Variants in ZC3H12B observed in about 807,000 individuals in gnomAD.
The protein encoded by ZC3H12B is zinc finger CCCH-type containing 12B.
In ZC3H12B, 7 loss-of-function variants were observed where a neutral mutation model predicts 43.9. The ratio of observed to expected loss-of-function variants is 0.16; its 90% CI spans 0.09 to 0.30. The LOEUF is 0.30. ZC3H12B is among the 10% of genes least tolerant of loss of function. ZC3H12B has a pLI of 1.00. For synonymous variants in ZC3H12B, 222 were observed against 241.7 expected, an observed-to-expected ratio of 0.92 and a Z score of 0.76; for missense variants, 475 against 670.2, an observed-to-expected ratio of 0.71 and a Z score of 3.22.
At chrX:65,222,634 AT>A in the ZC3H12B span, among the ~76,000 whole-genome samples, 28 of 103,404 alleles carry the variant, frequency 2.7e-4, 1 homozygote, top group South Asian at 0.011. Flanking sequence ...AATAATAATA[AT>A]AATAATAATA....
At chrX:65,060,432 G>A in the ZC3H12B span, among the ~76,000 whole-genome samples, 2 of 111,757 alleles carry the variant, frequency 1.8e-5, no homozygotes, top group Non-Finnish European at 3.8e-5. Flanking sequence ...TTTATCACAT[G>A]CTTTTTCCAT....
chrX:65,092,072 C>T, the ZC3H12B span, among the ~76,000 whole-genome samples: 1 of 111,087 alleles, frequency 9.0e-6, no homozygotes, highest in Non-Finnish European at 1.9e-5. Flanking sequence ...GTGTGTAGCA[C>T]CTCCTTTCTC....
At chrX:65,101,370 C>G in the ZC3H12B span, among the ~76,000 whole-genome samples, 2 of 111,037 alleles carry the variant, frequency 1.8e-5, no homozygotes, top group African/African-American at 6.6e-5. Context: ...CAAAAGCTAG[C>G]AGAAGACAAT....
intron 3 of ZC3H12B, among the ~76,000 whole-genome samples, chrX:65,457,027 A>G (rs1464896905): frequency 5.8e-5 from 5 of 86,476 alleles, no homozygotes; most frequent in Admixed American, 1.3e-4. Flanking sequence ...CATCCCATCT[A>G]GGAAGTGAGG....
At chrX:65,265,312 G>T in the ZC3H12B span, among the ~76,000 whole-genome samples, 2,028 of 111,821 alleles carry the variant, frequency 0.018, 36 homozygotes, top group Middle Eastern at 0.037. Flanking sequence ...GATACAGTGG[G>T]TCTAAGAAAA....
the ZC3H12B span, among the ~76,000 whole-genome samples, chrX:65,350,809 C>T: frequency 2.7e-5 from 3 of 111,345 alleles, no homozygotes; most frequent in Admixed American, 1.9e-4. Flanking sequence ...ACTGCTCAAG[C>T]ATATAAGAGG....
At chrX:65,207,166 T>C in the ZC3H12B span, among the ~76,000 whole-genome samples, 41 of 107,391 alleles carry the variant, frequency 3.8e-4, no homozygotes, top group South Asian at 0.014. Context: ...GGTTTCTACT[T>C]AGAAAAAAAG....
chrX:65,425,802 G>A (rs2067074575), intron 3 of ZC3H12B, among the ~76,000 whole-genome samples: 1 of 111,602 alleles, frequency 9.0e-6, no homozygotes, highest in Non-Finnish European at 1.9e-5. Context: ...GGCATCCTGG[G>A]GATGAAGCCA....
the ZC3H12B span, among the ~76,000 whole-genome samples, chrX:65,211,966 G>A: frequency 1.6e-5 from 1 of 63,848 alleles, no homozygotes; most frequent in East Asian, 5.2e-4. Context: ...TATAATATAT[G>A]TTATGTATAC....
At chrX:65,065,499 G>T in the ZC3H12B span, among the ~76,000 whole-genome samples, 1 of 112,182 alleles carries the variant, frequency 8.9e-6, no homozygotes, top group Non-Finnish European at 1.9e-5. Context: ...TAGGGTTTCT[G>T]CAGAGAGAGC....
chrX:65,342,132 C>T, the ZC3H12B span, among the ~76,000 whole-genome samples: 1 of 111,591 alleles, frequency 9.0e-6, no homozygotes, highest in Non-Finnish European at 1.9e-5. Flanking sequence ...CAGAAAATGA[C>T]AGACTTTAAA....
chrX:65,286,100 G>T, the ZC3H12B span, among the ~76,000 whole-genome samples: 1 of 111,394 alleles, frequency 9.0e-6, no homozygotes, highest in African/African-American at 3.3e-5. Context: ...CTACCAAAAA[G>T]ACACATGCAC....
At chrX:65,370,047 G>T (rs1351653000) in intron 2 of ZC3H12B, among the ~76,000 whole-genome samples, 1 of 111,222 alleles carries the variant, frequency 9.0e-6, no homozygotes, top group Non-Finnish European at 1.9e-5. Context: ...AGGAGTTCAA[G>T]ACCAGCCTGA....
At chrX:65,184,641 A>G in the ZC3H12B span, among the ~76,000 whole-genome samples, 1 of 111,803 alleles carries the variant, frequency 8.9e-6, no homozygotes, top group East Asian at 2.8e-4. Context: ...AAAGGTATGT[A>G]TAGTTTGGAA....
chrX:65,069,901 T>C, the ZC3H12B span, among the ~76,000 whole-genome samples: 4 of 111,747 alleles, frequency 3.6e-5, no homozygotes, highest in Non-Finnish European at 7.5e-5. Flanking sequence ...GATATTGGCC[T>C]GAAGTTTTAT....
In ZC3H12B at chrX:65,426,238, T is replaced by C. The variant is rs761970295; in HGVS notation, n.407+27534T>C. The stretch of plus-strand genomic sequence containing the variant: ...TCCATTTCTTCTAGATTTTCCAGTT[T>C]ATTACCTAGAGGTGTTTATAGCATT... On this transcript the variant is annotated intron_variant and non_coding_transcript_variant, in intron 3 of 5. Coordinates refer to the ZC3H12B transcript ENST00000617377. 2.7e-5 allele frequency among the ~76,000 whole-genome samples: 3 copies of C among 109,594 alleles called. No homozygotes were observed. The South Asian group carries it at 1.2e-3, about 44-fold the overall frequency.
At chrX:65,078,317 T>C in the ZC3H12B span, among the ~76,000 whole-genome samples, 1 of 112,381 alleles carries the variant, frequency 8.9e-6, no homozygotes. Flanking sequence ...TGAGACTCAG[T>C]ACAATGACTT....
chrX:65,474,950 T>G (rs2067973286), intron 3 of ZC3H12B, among the ~76,000 whole-genome samples: 1 of 112,706 alleles, frequency 8.9e-6, no homozygotes, highest in Non-Finnish European at 1.9e-5. Flanking sequence ...GTGATTTGCT[T>G]TGATGCTTTC....
intron 2 of ZC3H12B, among the ~76,000 whole-genome samples, chrX:65,376,183 G>A (rs950444588): frequency 8.9e-6 from 1 of 112,266 alleles, no homozygotes; most frequent in African/African-American, 3.2e-5. Context: ...TGGTGGTGGT[G>A]GTAATGGGCT....
Sources: gnomAD v4.1 joint callset for allele counts (sites outside exome capture counted in the v4.1 genomes callset) on GRCh38, gnomAD v4.1.1 for gene constraint, MANE v1.5 for transcripts, NCBI Gene and HGNC (gene_info 2026-07-23, HGNC 2026-07-21) for gene names.